Variants in ERO1B observed in about 807,000 individuals in gnomAD.
ERO1B encodes ERO1-like protein beta.
In ERO1B, 49 loss-of-function variants were observed where a neutral mutation model predicts 75.3. The observed-to-expected ratio is 0.65, with a 90% CI of 0.52 to 0.83. The LOEUF is 0.83. ERO1B is among the 40% of genes least tolerant of loss of function. The pLI, the probability that ERO1B is intolerant of heterozygous loss-of-function variation, is 0.00. For synonymous variants in ERO1B, 191 were observed against 192.9 expected (o/e 0.99, Z 0.08); for missense variants, 512 against 560.1 (o/e 0.91, Z 0.87).
chr1:236,232,753 A>G, intron 9 of ERO1B, 75 bp downstream of exon 9: 1 of 1,406,004 alleles, frequency 7.1e-7, no homozygotes. Context: ...GAATTCCATA[A>G]AGGAAAAATC....
intron 14 of ERO1B, 96 bp from the exon 15 acceptor site, chr1:236,221,061 G>T: frequency 1.1e-6 from 1 of 939,906 alleles, no homozygotes; most frequent in Non-Finnish European, 1.5e-6. Flanking sequence ...TGCCAGTTAG[G>T]AAATTCATAT....
At position 236,258,149 on chromosome 1, in the gene ERO1B, C is replaced by CAGAAAAAAAA. The variant is rs71559929; in HGVS notation, c.223-4645_223-4644insTTTTTTTTCT. Among the ~76,000 whole-genome samples, 15 of 96,568 alleles carry CAGAAAAAAAA rather than the reference C, an allele frequency of 1.6e-4. 4 individuals are homozygous for CAGAAAAAAAA. The highest frequency in any genetic ancestry group is 2.4e-4 in the Non-Finnish European group (13 of 53,804). The allele number at this position is 96,568 out of a possible 152,430, so 63.4% of individuals were successfully genotyped here. On this transcript the variant is annotated intron_variant, in intron 2 of 15. Coordinates refer to ENST00000354619, the MANE Select transcript of ERO1B (RefSeq NM_019891.4). ...AGAAAGAAAAAAAAGAAAAACAAAG[C>CAGAAAAAAAA]AAAAAAAAAAAAAACCCAGCCAGAT...
intron 12 of ERO1B, among the ~76,000 whole-genome samples, chr1:236,225,843 A>C (rs554522448): frequency 1.3e-5 from 2 of 152,224 alleles, no homozygotes; most frequent in South Asian, 2.1e-4. Flanking sequence ...GCTGAGGCAC[A>C]AGAATTGCTT....
At chr1:236,223,993 C>G (rs1263335270) in intron 13 of ERO1B, among the ~76,000 whole-genome samples, 1 of 152,140 alleles carries the variant, frequency 6.6e-6, no homozygotes, top group African/African-American at 2.4e-5. Context: ...TCTAAAACAT[C>G]TTGGGGTCAA....
chr1:236,250,572 CATATATATATAT>C (rs1171832762), intron 4 of ERO1B, among the ~76,000 whole-genome samples: 3,343 of 86,274 alleles, frequency 0.039, 199 homozygotes, highest in East Asian at 0.23. Flanking sequence ...TAAATTTGAC[CATATATATATAT>C]ATATATATAT....
rs745625648 is a variant in ERO1B at position 236,235,848 on chromosome 1, G to A, written c.627-13C>T. 20 of 1,609,876 alleles carry A rather than the reference G, an allele frequency of 1.2e-5. No individual in the cohort carries two copies. In the East Asian group the frequency reaches 4.5e-4, roughly 36 times the overall value. On this transcript the variant is annotated splice_polypyrimidine_tract_variant and intron_variant, in intron 7 of 15. Coordinates refer to ENST00000354619, the MANE Select transcript of ERO1B (RefSeq NM_019891.4). The stretch of plus-strand genomic sequence containing the variant: ...AACAGATCGAGGCCTGAAAAAGAAA[G>A]CATAATACCCAAACATAGAATGTTT...
At chr1:236,248,514 G>C (rs908553159) in intron 5 of ERO1B, among the ~76,000 whole-genome samples, 3 of 152,170 alleles carry the variant, frequency 2.0e-5, no homozygotes, top group African/African-American at 7.2e-5. Context: ...CCATCAATAA[G>C]TGAATAGCTA....
intron 2 of ERO1B, among the ~76,000 whole-genome samples, chr1:236,263,778 CT>C: frequency 2.1e-4 from 17 of 80,290 alleles, no homozygotes; most frequent in East Asian, 5.9e-4. Context: ...ATTTTGTTTG[CT>C]TTTTTTTTTT....
At chr1:236,256,011 G>C (rs1449445544) in intron 2 of ERO1B, among the ~76,000 whole-genome samples, 1 of 152,150 alleles carries the variant, frequency 6.6e-6, no homozygotes, top group Non-Finnish European at 1.5e-5. Flanking sequence ...CAGTATCTGG[G>C]AACCCATGTA....
chr1:236,225,018 G>A (rs867029339), intron 13 of ERO1B, 52 bp downstream of exon 13: 3 of 1,512,992 alleles, frequency 2.0e-6, no homozygotes, highest in South Asian at 1.1e-5. Context: ...CAGCATTAAA[G>A]CATAACCAGC....
At chr1:236,280,239 T>C (rs956388970) in intron 1 of ERO1B, among the ~76,000 whole-genome samples, 1 of 152,238 alleles carries the variant, frequency 6.6e-6, no homozygotes, top group African/African-American at 2.4e-5. Flanking sequence ...ATATGTGCTA[T>C]ATAAAAAGAG....
At position 236,218,013 on chromosome 1, in the gene ERO1B, T is replaced by C. The variant is rs527709173; in HGVS notation, c.*503A>G. The C allele has an allele frequency of 1.4e-4, 22 of 152,278 alleles. No individual in the cohort carries two copies. Among genetic ancestry groups the C allele is most frequent in the African/African-American group, 4.8e-4 (20 of 41,570 alleles). The allele number at this position is 152,278 out of a possible 1,614,324, so 9.4% of individuals were successfully genotyped here. On this transcript the variant is annotated 3_prime_UTR_variant, in exon 16 of 16. Coordinates refer to ENST00000354619, the MANE Select transcript of ERO1B (RefSeq NM_019891.4). The stretch of plus-strand genomic sequence containing the variant: ...ACAGTTCCAGATTCTAGAAATATTA[T>C]AGTATTTCTTTATATTATAGAAAGT...
chr1:236,218,565 C>A lies in ERO1B; in HGVS notation c.1355G>T (p.Ser452Ile). 7.2e-7 allele frequency: 1 copy of A among 1,385,018 alleles called. No homozygotes were observed. The highest frequency in any genetic ancestry group is 1.8e-5 in the South Asian group (1 of 56,060). The allele number at this position is 1,385,018 out of a possible 1,614,324, so 85.8% of individuals were successfully genotyped here. ...TTTAAAATTCTGTAAGTCTCTTATA[C>A]TTGTAGAAAGCCTATGGAAGAAAGA... is the stretch of plus-strand genomic sequence containing the variant. ...LLNAFGRLSTSIRDLQNFKVL... is the reference protein window; with the variant it reads ...LLNAFGRLSTIIRDLQNFKVL... Residue 452 changes from serine to isoleucine, a missense_variant, in exon 16 of 16, where the codon AGT becomes ATT. Transcript: ENST00000354619.
At chr1:236,218,808 G>C (rs1446932154) in intron 15 of ERO1B, among the ~76,000 whole-genome samples, 2 of 152,126 alleles carry the variant, frequency 1.3e-5, no homozygotes, top group Non-Finnish European at 2.9e-5. Context: ...TGGGAACAGT[G>C]ATATGAATAA....
intron 8 of ERO1B, 73 bp from the exon 9 acceptor site, chr1:236,232,912 G>T: frequency 7.8e-7 from 1 of 1,276,292 alleles, no homozygotes; most frequent in Non-Finnish European, 1.1e-6. Context: ...TATTTTTTGA[G>T]ATTAAAACTG....
chr1:236,243,993 C>T (rs1206780975), intron 5 of ERO1B, among the ~76,000 whole-genome samples: 2 of 152,132 alleles, frequency 1.3e-5, no homozygotes, highest in African/African-American at 4.8e-5. Context: ...CCACTTTTAT[C>T]ATGGTGTATC....
chr1:236,242,861 GGA>G (rs758326496), intron 6 of ERO1B, among the ~76,000 whole-genome samples: 13 of 152,144 alleles, frequency 8.5e-5, no homozygotes, highest in Non-Finnish European at 1.6e-4. Context: ...TTACTCTGGT[GGA>G]GAGTGTCCAG....
At position 236,217,630 on chromosome 1, in the gene ERO1B, A is replaced by G. The variant is rs1376608705; in HGVS notation, c.*886T>C. ...TGGCATTATAAATTCATATAATCCC[A>G]TTTAAATTTTATCAAGAAGTAATCT... is the stretch of plus-strand genomic sequence containing the variant. On this transcript the variant is annotated 3_prime_UTR_variant, in exon 16 of 16. Transcript: ENST00000354619. 1 of 152,616 alleles carries G rather than the reference A, an allele frequency of 6.6e-6. No homozygotes were observed. The highest frequency in any genetic ancestry group is 1.5e-5 in the Non-Finnish European group (1 of 68,014). The allele number at this position is 152,616 out of a possible 1,614,324, so 9.5% of individuals were successfully genotyped here.
At chr1:236,221,637 T>C (rs1664144479) in intron 14 of ERO1B, among the ~76,000 whole-genome samples, 1 of 152,208 alleles carries the variant, frequency 6.6e-6, no homozygotes, top group African/African-American at 2.4e-5. Flanking sequence ...AATACGGATA[T>C]ACTCGGTTCG....
Sources: allele counts gnomAD v4.1 joint callset (sites outside exome capture counted in the v4.1 genomes callset), GRCh38; gene constraint gnomAD v4.1.1; transcripts MANE v1.5; gene names NCBI Gene and HGNC (gene_info 2026-07-23, HGNC 2026-07-21).